Variants in PKIG observed in about 807,000 individuals in gnomAD.
PKIG encodes protein kinase (cAMP-dependent, catalytic) inhibitor gamma.
Under a neutral mutation model 6.8 loss-of-function variants are expected in PKIG, and 1 was observed. That is an observed-to-expected ratio of 0.15 (90% CI 0.05 to 0.69). The LOEUF (loss-of-function observed/expected upper bound fraction) is 0.69. Ranked by LOEUF, PKIG falls within the 30% of genes least tolerant of loss-of-function variation. The pLI, the probability that PKIG is intolerant of heterozygous loss-of-function variation, is 0.82. For synonymous variants in PKIG, 39 were observed against 43.0 expected (o/e 0.91, Z 0.36); for missense variants, 77 against 104.0 (o/e 0.74, Z 1.13).
intron 3 of PKIG, among the ~76,000 whole-genome samples, chr20:44,617,772 C>T (rs1279360118): frequency 2.0e-5 from 3 of 152,072 alleles, no homozygotes; most frequent in Admixed American, 1.3e-4. Flanking sequence ...TGGCCGGGCA[C>T]GGTGGCTCAC....
chr20:44,579,388 A>AG (rs1411286250), upstream of PKIG, among the ~76,000 whole-genome samples: 1 of 152,230 alleles, frequency 6.6e-6, no homozygotes, highest in Non-Finnish European at 1.5e-5. Flanking sequence ...AGTTTCCTGA[A>AG]GGGAAGCCCT....
At chr20:44,599,644 CCTGGGAGG>C (rs2065104054) in intron 2 of PKIG, among the ~76,000 whole-genome samples, 8 of 152,152 alleles carry the variant, frequency 5.3e-5, no homozygotes, top group African/African-American at 1.9e-4. Flanking sequence ...ATCGCTTGAA[CCTGGGAGG>C]CAGAGGTTGC....
At chr20:44,556,060 C>G (rs981494589) in intron 1 of PKIG, among the ~76,000 whole-genome samples, 2 of 151,952 alleles carry the variant, frequency 1.3e-5, no homozygotes, top group South Asian at 4.2e-4. Flanking sequence ...AGGATGGTCT[C>G]GATCTCCTGA....
intron 1 of PKIG, among the ~76,000 whole-genome samples, chr20:44,575,921 C>T (rs925683225): frequency 2.6e-5 from 4 of 152,114 alleles, no homozygotes; most frequent in African/African-American, 9.7e-5. Flanking sequence ...CCCTGGGGTC[C>T]CACACCATTC....
chr20:44,611,827 A>G (rs560356923), intron 2 of PKIG, among the ~76,000 whole-genome samples: 1 of 146,784 alleles, frequency 6.8e-6, no homozygotes, highest in Non-Finnish European at 1.5e-5. Context: ...CCGATAACAA[A>G]TTTTTTTTTT....
chr20:44,546,843 T>C (rs1405797223), intron 1 of PKIG, among the ~76,000 whole-genome samples: 1 of 152,144 alleles, frequency 6.6e-6, no homozygotes, highest in Admixed American at 6.6e-5. Context: ...TATGAGCCAC[T>C]GCACCCAGGC....
rs139478346 is a variant in PKIG at position 44,613,800 on chromosome 20, G to A, written c.-23-734G>A. 5.0e-4 allele frequency among the ~76,000 whole-genome samples: 76 copies of A among 152,226 alleles called. 1 individual carries two copies. The East Asian group carries it at 0.011, about 21-fold the overall frequency. Reference sequence around the variant, plus strand: ...GCCACAGTCACCTTTGAAAATGCACGGCTGCTACTTCATGGCCTTGCCTAA... The same window carrying A: ...GCCACAGTCACCTTTGAAAATGCACAGCTGCTACTTCATGGCCTTGCCTAA... On this transcript the variant is annotated intron_variant, in intron 2 of 3. Transcript: ENST00000372886.
chr20:44,539,989 G>A (rs1486120908), intron 1 of PKIG, among the ~76,000 whole-genome samples: 6 of 151,702 alleles, frequency 4.0e-5, no homozygotes, highest in Non-Finnish European at 8.8e-5. Flanking sequence ...ATGGAGTCTC[G>A]TTCTGTTGCC....
At chr20:44,609,043 C>T (rs1007090248) in intron 2 of PKIG, among the ~76,000 whole-genome samples, 21 of 152,144 alleles carry the variant, frequency 1.4e-4, no homozygotes, top group Admixed American at 7.2e-4. Flanking sequence ...TCTGAGGATT[C>T]TTTATTTCCC....
intron 1 of PKIG, among the ~76,000 whole-genome samples, chr20:44,558,574 T>TTTTCTTTCTTTCTGTC (rs2064736874): frequency 7.6e-6 from 1 of 131,900 alleles, no homozygotes; most frequent in African/African-American, 3.1e-5. Flanking sequence ...TTTTTTTCTT[T>TTTTCTTTCTTTCTGTC]TTTCTTTCTT....
chr20:44,595,560 CAG>C (rs1349013293), intron 2 of PKIG, among the ~76,000 whole-genome samples: 3 of 152,166 alleles, frequency 2.0e-5, no homozygotes, highest in African/African-American at 7.2e-5. Context: ...GTTGCCCAGG[CAG>C]GGGTGCAGTG....
intron 1 of PKIG, among the ~76,000 whole-genome samples, chr20:44,563,869 A>G (rs1395477225): frequency 6.6e-6 from 1 of 152,198 alleles, no homozygotes; most frequent in Non-Finnish European, 1.5e-5. Flanking sequence ...TTATGGGTTA[A>G]GGAAATAAGC....
chr20:44,605,517 ATGATT>A (rs1259671214), intron 2 of PKIG, among the ~76,000 whole-genome samples: 1 of 152,126 alleles, frequency 6.6e-6, no homozygotes, highest in Non-Finnish European at 1.5e-5. Context: ...TACTCCACAA[ATGATT>A]TGAGATAGGT....
intron 1 of PKIG, among the ~76,000 whole-genome samples, chr20:44,546,066 A>G (rs150163448): frequency 3.2e-3 from 486 of 152,252 alleles, no homozygotes; most frequent in African/African-American, 9.6e-3. Context: ...CCTGGGAAAT[A>G]CAGCAAAACC....
At chr20:44,552,234 C>A (rs2064675554) in intron 1 of PKIG, among the ~76,000 whole-genome samples, 1 of 152,206 alleles carries the variant, frequency 6.6e-6, no homozygotes. Context: ...TTTCTCAAAG[C>A]CATCCATCAG....
chr20:44,608,340 A>G (rs181161961), intron 2 of PKIG, among the ~76,000 whole-genome samples: 1 of 152,368 alleles, frequency 6.6e-6, no homozygotes, highest in Admixed American at 6.5e-5. Flanking sequence ...ACATTTTGCC[A>G]TTTCTTTAAA....
chr20:44,544,450 C>G (rs888236503), intron 1 of PKIG, among the ~76,000 whole-genome samples: 7 of 152,174 alleles, frequency 4.6e-5, no homozygotes, highest in African/African-American at 1.7e-4. Context: ...ATAGTCTGTT[C>G]CTGGCATGGC....
chr20:44,586,616 A>G (rs886301880), intron 1 of PKIG, among the ~76,000 whole-genome samples: 1 of 152,202 alleles, frequency 6.6e-6, no homozygotes, highest in African/African-American at 2.4e-5. Context: ...AAGAAGCTGA[A>G]CTGGCCCAAT....
At chr20:44,553,265 C>T (rs1375701840) in intron 1 of PKIG, among the ~76,000 whole-genome samples, 2 of 152,166 alleles carry the variant, frequency 1.3e-5, no homozygotes, top group Non-Finnish European at 2.9e-5. Context: ...TATGCTGCCT[C>T]GGAGTGCCAG....
Sources: allele counts gnomAD v4.1 joint callset (sites outside exome capture counted in the v4.1 genomes callset), GRCh38; gene constraint gnomAD v4.1.1; transcripts MANE v1.5; gene names NCBI Gene and HGNC (gene_info 2026-07-23, HGNC 2026-07-21).